MYCBP2: variants seen among roughly 807,000 people sequenced by gnomAD.
MYCBP2 encodes the protein MYC binding protein 2.
In MYCBP2, 120 loss-of-function variants were observed where a neutral mutation model predicts 525.3. That is an observed-to-expected ratio of 0.23 (90% CI 0.20 to 0.27). The LOEUF is 0.27. MYCBP2 is among the 10% of genes least tolerant of loss of function. The pLI is 1.00. For synonymous variants in MYCBP2, 1,894 were observed against 1,955.8 expected (o/e 0.97, Z 0.83); for missense variants, 4,149 against 5,657.1 (o/e 0.73, Z 8.55).
chr13:77,048,633 C>T (rs1292323900), intron 82 of MYCBP2, among the ~76,000 whole-genome samples: 1 of 152,130 alleles, frequency 6.6e-6, no homozygotes, highest in East Asian at 1.9e-4. Context: ...ATTAACCTCC[C>T]TAGCCCTCAA....
Position 77,327,052 on chromosome 13 carries a change from C to T in MYCBP2, c.-277G>A. The stretch of plus-strand genomic sequence containing the variant: ...GCCGCCACTGCCGCCGCCACCACCG[C>T]TACCACCGCCACCACCGCCGGGGCT... On this transcript the variant is annotated 5_prime_UTR_variant, in exon 1 of 83. Coordinates refer to ENST00000544440, the MANE Select transcript of MYCBP2 (RefSeq NM_015057.5). 4.6e-6 allele frequency: 2 copies of T among 438,892 alleles called. No homozygotes were observed. 27.2% of individuals were successfully genotyped at this position (438,892 alleles called of 1,614,324 possible). A position where few individuals can be genotyped will look rare whatever the true frequency, so the allele number is the denominator to read the frequency against.
chr13:77,087,772 A>G (rs999350742), intron 61 of MYCBP2, 139 bp from the exon 62 acceptor site: 23 of 752,558 alleles, frequency 3.1e-5, no homozygotes, highest in Non-Finnish European at 4.6e-5. Context: ...AATGCCTTAT[A>G]GTTTTACTAT....
chr13:77,162,973 C>A (rs2058117359), intron 43 of MYCBP2, among the ~76,000 whole-genome samples: 1 of 152,032 alleles, frequency 6.6e-6, no homozygotes, highest in African/African-American at 2.4e-5. Flanking sequence ...GTAATGTATG[C>A]AAAAATGGGA....
At chr13:77,093,594 G>C (rs183119087) in intron 58 of MYCBP2, among the ~76,000 whole-genome samples, 1 of 152,154 alleles carries the variant, frequency 6.6e-6, no homozygotes, top group East Asian at 1.9e-4. Flanking sequence ...CAGTGTTTTG[G>C]TGAATAAGCC....
chr13:77,080,922 C>A (rs1409160282), intron 65 of MYCBP2: 1 of 148,856 alleles, frequency 6.7e-6, no homozygotes, highest in African/African-American at 2.5e-5. Context: ...GCCTGGGTGA[C>A]AGAGGGAGAC....
At chr13:77,270,659 G>A (rs146996747) in intron 5 of MYCBP2, 121 bp from the exon 6 acceptor site, 56 of 1,059,674 alleles carry the variant, frequency 5.3e-5, no homozygotes, top group East Asian at 1.3e-4. Context: ...ATGATATTTC[G>A]CATGCCAGCA....
At chr13:77,232,136 A>G (rs2067215550) in intron 18 of MYCBP2, among the ~76,000 whole-genome samples, 1 of 152,210 alleles carries the variant, frequency 6.6e-6, no homozygotes, top group Non-Finnish European at 1.5e-5. Flanking sequence ...GACAGACTGA[A>G]AGAGGCAAAT....
In MYCBP2 at chr13:77,108,464, A is replaced by G. The variant is rs1015618603; in HGVS notation, c.8141-9451T>C. Among the ~76,000 whole-genome samples, 8 of 152,204 alleles carry G rather than the reference A, an allele frequency of 5.3e-5. No individual in the cohort carries two copies. In the South Asian group the frequency reaches 6.2e-4, roughly 12 times the overall value. On this transcript the variant is annotated intron_variant, in intron 55 of 82. Coordinates refer to ENST00000544440, the MANE Select transcript of MYCBP2 (RefSeq NM_015057.5). ...TTCCCGAGCATTAACTTGAGACACA[A>G]GAAGGTTGGATATGCTTTTAAAAGT...
intron 1 of MYCBP2, among the ~76,000 whole-genome samples, chr13:77,311,450 A>G (rs2080192414): frequency 6.6e-6 from 1 of 152,210 alleles, no homozygotes; most frequent in Admixed American, 6.5e-5. Flanking sequence ...ACATGTTGTA[A>G]TTATCCAACA....
chr13:77,086,571 T>G (rs533500643), intron 62 of MYCBP2, among the ~76,000 whole-genome samples: 2 of 152,252 alleles, frequency 1.3e-5, no homozygotes, highest in Non-Finnish European at 2.9e-5. Context: ...AAACTCCAAG[T>G]AGGTAAGTTG....
chr13:77,103,686 G>A (rs1428325737), intron 55 of MYCBP2, among the ~76,000 whole-genome samples: 1 of 151,862 alleles, frequency 6.6e-6, no homozygotes, highest in Non-Finnish European at 1.5e-5. Context: ...GGAAGATAAA[G>A]AAATGTTACT....
intron 46 of MYCBP2, among the ~76,000 whole-genome samples, chr13:77,154,972 T>A (rs545926645): frequency 6.6e-6 from 1 of 152,092 alleles, no homozygotes; most frequent in Non-Finnish European, 1.5e-5. Context: ...TGTATGTATA[T>A]ATAAAGTATA....
chr13:77,156,274 T>C, intron 45 of MYCBP2, 72 bp from the exon 46 acceptor site: 1 of 1,405,898 alleles, frequency 7.1e-7, no homozygotes, highest in Non-Finnish European at 9.5e-7. Flanking sequence ...AATATAAAAT[T>C]AAGCCAAATG....
At chr13:77,129,919 T>C (rs372693691) in intron 52 of MYCBP2, among the ~76,000 whole-genome samples, 24 of 151,992 alleles carry the variant, frequency 1.6e-4, no homozygotes, top group Admixed American at 7.2e-4. Context: ...CCTACTTTTC[T>C]CTATCTCAAA....
At chr13:77,168,291 T>C (rs2154218307) in intron 40 of MYCBP2, 137 bp downstream of exon 40, 1 of 647,380 alleles carries the variant, frequency 1.5e-6, no homozygotes, top group South Asian at 2.1e-5. Flanking sequence ...CAGTGCCTAA[T>C]CACCTGCTGA....
intron 24 of MYCBP2, among the ~76,000 whole-genome samples, chr13:77,206,285 G>A (rs2063328753): frequency 1.3e-5 from 2 of 150,666 alleles, no homozygotes; most frequent in South Asian, 4.2e-4. Context: ...AACAGAAGAT[G>A]TATATAAAAT....
intron 45 of MYCBP2, among the ~76,000 whole-genome samples, chr13:77,157,687 T>C (rs760269397): frequency 6.6e-6 from 1 of 151,778 alleles, no homozygotes; most frequent in Non-Finnish European, 1.5e-5. Flanking sequence ...GAAGTGGAGG[T>C]TGCAGTGAGC....
At position 77,111,634 on chromosome 13, in the gene MYCBP2, G is replaced by A. The variant is rs116815446; in HGVS notation, c.8140+9739C>T. ...AGACAGGGTCTCGCTTTGTTGTCCA[G>A]ACTGGTCCTAAGCATTTTACTGCCT... is the stretch of plus-strand genomic sequence containing the variant. On this transcript the variant is annotated intron_variant, in intron 55 of 82. Transcript: ENST00000544440. Among the ~76,000 whole-genome samples the A allele has an allele frequency of 9.2e-3, 1,389 of 151,184 alleles. 21 individuals carry two copies. Among genetic ancestry groups the A allele is most frequent in the African/African-American group, 0.031 (1,296 of 41,154 alleles).
At chr13:77,046,242 G>A (rs2035539052) in intron 82 of MYCBP2, among the ~76,000 whole-genome samples, 1 of 152,116 alleles carries the variant, frequency 6.6e-6, no homozygotes, top group Non-Finnish European at 1.5e-5. Context: ...AAGATTTTTA[G>A]TTCCTTTAGA....
Sources: gnomAD v4.1 joint callset for allele counts (sites outside exome capture counted in the v4.1 genomes callset) on GRCh38, gnomAD v4.1.1 for gene constraint, MANE v1.5 for transcripts, NCBI Gene and HGNC (gene_info 2026-07-23, HGNC 2026-07-21) for gene names.